The following VPS35L variants were observed in gnomAD, a reference collection of about 807,000 sequenced individuals.
VPS35L encodes the protein VPS35 endosomal protein sorting factor like.
In VPS35L, 83 loss-of-function variants were observed where a neutral mutation model predicts 133.0. That is an observed-to-expected ratio of 0.62 (90% confidence interval 0.52 to 0.75). The LOEUF is 0.75. Among genes scored for constraint, VPS35L ranks in the 30% least tolerant of loss-of-function variants. The pLI is 0.00. For missense variants in VPS35L, 1,083 were observed against 1,206.8 expected, an observed-to-expected ratio of 0.90 and a Z score of 1.52; for synonymous variants, 423 against 449.9, an observed-to-expected ratio of 0.94 and a Z score of 0.76.
chr16:19,616,087 C>T, intron 12 of VPS35L, 27 bp from the exon 13 acceptor site: 2 of 1,590,386 alleles, frequency 1.3e-6, no homozygotes, highest in South Asian at 1.1e-5. Flanking sequence ...TTATTTGCAA[C>T]CAGTTTTTCC....
chr16:19,627,755 A>C lies in VPS35L; in HGVS notation c.1333A>C (p.Met445Leu). 6.2e-7 allele frequency: 1 copy of C among 1,614,092 alleles called. No individual in the cohort carries two copies. The highest frequency in any genetic ancestry group is 8.5e-7 in the Non-Finnish European group (1 of 1,179,956). The change falls in exon 16 of 31, where the codon ATG becomes CTG. Residue 445 changes from methionine (M) to leucine (L), a missense_variant. Physicochemically the swap from Met to Leu is conservative, Grantham distance 15. Transcript: ENST00000417362. ...FRAEFIATRS[M>L]DFIGMIKECD... ...GGCTGAGTTCATCGCCACAAGGTCT[A>C]TGGATTTCATTGGCATGATTAAAGA...
intron 28 of VPS35L, 44 bp from the exon 29 acceptor site, chr16:19,691,309 C>A (rs781221685): frequency 6.6e-7 from 1 of 1,521,172 alleles, no homozygotes; most frequent in South Asian, 1.1e-5. Context: ...GCCAGCATGG[C>A]CGCGGGGCTT....
At chr16:19,566,225 A>G (rs1221350975) in intron 2 of VPS35L, among the ~76,000 whole-genome samples, 8 of 152,144 alleles carry the variant, frequency 5.3e-5, no homozygotes, top group African/African-American at 1.9e-4. Flanking sequence ...GCCGGGCTCC[A>G]TGCCTCACAC....
intron 10 of VPS35L, 29 bp downstream of exon 10, chr16:19,608,303 G>C: frequency 2.8e-6 from 4 of 1,406,466 alleles, no homozygotes; most frequent in Non-Finnish European, 4.0e-6. Flanking sequence ...TTGGTCTGAT[G>C]ATTTTAAAGA....
intron 9 of VPS35L, 187 bp from the exon 10 acceptor site, chr16:19,607,991 C>T (rs1356140365): frequency 5.2e-6 from 3 of 579,934 alleles, no homozygotes; most frequent in Non-Finnish European, 9.2e-6. Context: ...CGACACTTGG[C>T]ACTTAGAAAG....
At chr16:19,688,453 G>C (rs1975540421) in intron 28 of VPS35L, among the ~76,000 whole-genome samples, 1 of 152,208 alleles carries the variant, frequency 6.6e-6, no homozygotes, top group Non-Finnish European at 1.5e-5. Context: ...CACAAAACTG[G>C]ATTAGCCGTG....
intron 14 of VPS35L, among the ~76,000 whole-genome samples, chr16:19,619,448 AC>A (rs1973006845): frequency 6.6e-6 from 1 of 152,138 alleles, no homozygotes; most frequent in Non-Finnish European, 1.5e-5. Flanking sequence ...AGTTTCAGCA[AC>A]CACATGCTGT....
chr16:19,583,576 G>C (rs900793354), intron 7 of VPS35L, among the ~76,000 whole-genome samples: 6 of 151,952 alleles, frequency 3.9e-5, no homozygotes, highest in Non-Finnish European at 7.4e-5. Flanking sequence ...TACACAATAA[G>C]CTGGGCCTCG....
chr16:19,608,165 T>C lies in VPS35L; in HGVS notation c.785-13T>C, dbSNP rs1480233054. The C allele has an allele frequency of 6.3e-6, 10 of 1,598,450 alleles. No homozygotes were observed. The highest frequency in any genetic ancestry group is 7.7e-6 in the Non-Finnish European group (9 of 1,165,834). On this transcript the variant is annotated splice_polypyrimidine_tract_variant and intron_variant, in intron 9 of 30. Transcript: ENST00000417362. Reference sequence around the variant, plus strand: ...TTTAGGAGGGCTGATGGATCTTGTTTTTTGTATTACAGATCACTTTTCTCC... The same window carrying C: ...TTTAGGAGGGCTGATGGATCTTGTTCTTTGTATTACAGATCACTTTTCTCC...
At chr16:19,682,126 A>T (rs1447807198) in intron 27 of VPS35L, 99 bp from the exon 28 acceptor site, 17 of 1,343,214 alleles carry the variant, frequency 1.3e-5, no homozygotes, top group Non-Finnish European at 1.8e-5. Flanking sequence ...TAATTTCTCT[A>T]CAGCTGCTGC....
intron 8 of VPS35L, among the ~76,000 whole-genome samples, chr16:19,592,690 T>A (rs1005379862): frequency 3.8e-5 from 5 of 132,902 alleles, no homozygotes; most frequent in South Asian, 2.2e-4. Flanking sequence ...ACTGTTAAAA[T>A]TTTTTTTTTT....
chr16:19,642,287 C>A, intron 21 of VPS35L, 109 bp from the exon 22 acceptor site: 2 of 849,542 alleles, frequency 2.4e-6, no homozygotes, highest in Non-Finnish European at 3.7e-6. Context: ...GAAATGCCAG[C>A]TGGATAATTT....
rs138009632 is a variant in VPS35L at position 19,615,637 on chromosome 16, G to A, written c.1024-477G>A. Among the ~76,000 whole-genome samples the A allele has an allele frequency of 2.8e-3, 418 of 149,308 alleles. 3 individuals carry two copies. Among genetic ancestry groups the A allele is most frequent in the African/African-American group, 9.8e-3 (398 of 40,484 alleles). On this transcript the variant is annotated intron_variant, in intron 12 of 30. Coordinates refer to ENST00000417362, the MANE Select transcript of VPS35L (RefSeq NM_020314.7). Reference sequence around the variant, plus strand: ...TGCACTCCACCCTGGGCAACAGAGCGAGACTCTGTCTCAAAACAAAACAAA... The same window carrying A: ...TGCACTCCACCCTGGGCAACAGAGCAAGACTCTGTCTCAAAACAAAACAAA...
chr16:19,663,081 G>A (rs9925675), intron 26 of VPS35L, among the ~76,000 whole-genome samples: 17,373 of 151,970 alleles, frequency 0.11, 1,451 homozygotes, highest in East Asian at 0.22. Context: ...AGGCAGAGGC[G>A]GGCAGATCAC....
chr16:19,617,064 G>A, intron 14 of VPS35L: 2 of 620,898 alleles, frequency 3.2e-6, no homozygotes, highest in Non-Finnish European at 5.7e-6. Context: ...CACACAGCTA[G>A]AAAGCAGTTT....
rs1972882657 is a variant in VPS35L at position 19,616,111 on chromosome 16, C to T, written c.1024-3C>T. On this transcript the variant is annotated splice_polypyrimidine_tract_variant and splice_region_variant and intron_variant, in intron 12 of 30. Transcript: ENST00000417362. ...ACCAGTTTTTCCATTTGTCTGGCTG[C>T]AGGTGGGAATGGAAGTGGCCCCACA... 2 of 1,610,916 alleles carry T rather than the reference C, an allele frequency of 1.2e-6. No homozygotes were observed. Among genetic ancestry groups the T allele is most frequent in the South Asian group, 1.1e-5 (1 of 90,656 alleles).
At chr16:19,642,102 T>C (rs1973805655) in intron 21 of VPS35L, among the ~76,000 whole-genome samples, 1 of 151,942 alleles carries the variant, frequency 6.6e-6, no homozygotes, top group African/African-American at 2.4e-5. Flanking sequence ...CCCAGCTACT[T>C]GGGAGGCTGA....
chr16:19,691,740 G>C (rs13333029), intron 29 of VPS35L, among the ~76,000 whole-genome samples: 48,182 of 151,958 alleles, frequency 0.32, 12,945 homozygotes, highest in African/African-American at 0.74. Context: ...GACCCTGTCT[G>C]AAGGAGCCAC....
intron 27 of VPS35L, among the ~76,000 whole-genome samples, chr16:19,679,162 G>A (rs1056315677): frequency 2.9e-4 from 42 of 144,956 alleles, no homozygotes; most frequent in Non-Finnish European, 5.9e-4. Flanking sequence ...GAGGCGGGGG[G>A]GCGGGGAGGT....
Sources: gnomAD v4.1 joint callset for allele counts (sites outside exome capture counted in the v4.1 genomes callset) on GRCh38, gnomAD v4.1.1 for gene constraint, MANE v1.5 for transcripts, NCBI Gene and HGNC (gene_info 2026-07-23, HGNC 2026-07-21) for gene names.